Variants in GRK5 observed in about 807,000 individuals in gnomAD.
The protein encoded by GRK5 is g protein-coupled receptor kinase GRK5.
A neutral mutation model predicts 78.4 loss-of-function variants in GRK5; 40 were observed. The observed-to-expected ratio is 0.51, with a 90% CI of 0.40 to 0.66. The LOEUF (loss-of-function observed/expected upper bound fraction) is 0.66, where lower values mean the gene tolerates loss of function less well. Ranked by LOEUF, GRK5 falls within the 30% of genes least tolerant of loss-of-function variation. The pLI is 0.00. For synonymous variants in GRK5, 289 were observed against 296.8 expected (o/e 0.97, Z 0.27); for missense variants, 598 against 759.9 (o/e 0.79, Z 2.50).
rs554977767 is a variant in GRK5 at position 119,430,037 on chromosome 10, G to A, written c.534-338G>A. 2.6e-5 allele frequency among the ~76,000 whole-genome samples: 4 copies of A among 152,194 alleles called. No individual in the cohort carries two copies. Among genetic ancestry groups the A allele is most frequent in the East Asian group, 1.9e-4 (1 of 5,174 alleles). ...AAGGCACAGCTTCCTTCTGAGTTTC[G>A]CCGCATGATTTGCAGAGAGAGGAGA... On this transcript the variant is annotated intron_variant, in intron 6 of 15. Transcript: ENST00000392870. This position sits in a 1 kb window ranked among gnomAD's most constrained non-coding sequence, Gnocchi z 4.5.
chr10:119,401,570 C>T (rs1279183694), intron 4 of GRK5, among the ~76,000 whole-genome samples: 1 of 152,242 alleles, frequency 6.6e-6, no homozygotes, highest in African/African-American at 2.4e-5. Context: ...CTTAACCTCT[C>T]AGTGCCTCAG....
chr10:119,322,787 G>A (rs1020963861), intron 1 of GRK5, among the ~76,000 whole-genome samples: 2 of 152,144 alleles, frequency 1.3e-5, no homozygotes, highest in African/African-American at 4.8e-5. Flanking sequence ...ATATAATCCA[G>A]CAATTTCCCT....
intron 2 of GRK5, among the ~76,000 whole-genome samples, chr10:119,350,240 A>G (rs551819518): frequency 6.6e-6 from 1 of 152,356 alleles, no homozygotes; most frequent in African/African-American, 2.4e-5. Flanking sequence ...TCTGGTCCCA[A>G]GCAGCTACCG....
intron 2 of GRK5, among the ~76,000 whole-genome samples, chr10:119,339,101 A>C (rs929277806): frequency 6.6e-6 from 1 of 152,206 alleles, no homozygotes; most frequent in Non-Finnish European, 1.5e-5. Flanking sequence ...CATTAACCTG[A>C]AATGTGATGG....
chr10:119,274,340 A>AT (rs1185156131), intron 1 of GRK5, among the ~76,000 whole-genome samples: 1 of 152,202 alleles, frequency 6.6e-6, no homozygotes, highest in Admixed American at 6.5e-5. Context: ...CTAGCGACTG[A>AT]TAAGTGTTCA....
intron 2 of GRK5, among the ~76,000 whole-genome samples, chr10:119,337,471 A>C (rs1388894647): frequency 2.6e-5 from 4 of 152,112 alleles, no homozygotes; most frequent in Non-Finnish European, 5.9e-5. Flanking sequence ...GGGAGGGAGA[A>C]GCTGTTTCAG....
chr10:119,363,411 A>G (rs1202977603), intron 2 of GRK5, among the ~76,000 whole-genome samples: 1 of 152,192 alleles, frequency 6.6e-6, no homozygotes, highest in Non-Finnish European at 1.5e-5. Flanking sequence ...AGGACCAGGG[A>G]AGTAAATCTG....
At chr10:119,427,086 T>G (rs1852698548) in intron 6 of GRK5, among the ~76,000 whole-genome samples, 1 of 151,816 alleles carries the variant, frequency 6.6e-6, no homozygotes, top group South Asian at 2.1e-4. Context: ...ATCATCAGCA[T>G]CACCGCCATC....
At chr10:119,402,001 G>A (rs992254496) in intron 4 of GRK5, among the ~76,000 whole-genome samples, 2 of 152,180 alleles carry the variant, frequency 1.3e-5, no homozygotes, top group Non-Finnish European at 2.9e-5. Context: ...TGCTCCTGTG[G>A]CCCCACCATC....
chr10:119,303,416 T>C (rs1447976867), intron 1 of GRK5, among the ~76,000 whole-genome samples: 1 of 151,936 alleles, frequency 6.6e-6, no homozygotes, highest in Non-Finnish European at 1.5e-5. Flanking sequence ...GACCTAGTTG[T>C]CAGAAAAGGG....
chr10:119,239,475 A>G (rs1379818446), intron 1 of GRK5, among the ~76,000 whole-genome samples: 1 of 152,042 alleles, frequency 6.6e-6, no homozygotes, highest in Non-Finnish European at 1.5e-5. Flanking sequence ...ACCTCAGGTG[A>G]TCCGTCTGCC....
At chr10:119,286,518 C>G (rs1466799269) in intron 1 of GRK5, among the ~76,000 whole-genome samples, 2 of 152,264 alleles carry the variant, frequency 1.3e-5, no homozygotes, top group African/African-American at 4.8e-5. Context: ...CAGGGCCCCC[C>G]TCAGCCTTCC....
intron 1 of GRK5, among the ~76,000 whole-genome samples, chr10:119,259,540 C>A (rs1225293960): frequency 6.6e-6 from 1 of 152,152 alleles, no homozygotes; most frequent in South Asian, 2.1e-4. Flanking sequence ...TGGACAGAGC[C>A]CTCAATTTAA....
intron 4 of GRK5, among the ~76,000 whole-genome samples, chr10:119,405,600 A>AC (rs1266006313): frequency 5.3e-5 from 8 of 151,200 alleles, no homozygotes; most frequent in African/African-American, 2.0e-4. Flanking sequence ...AGCCGAACAA[A>AC]CCCACGCAGG....
chr10:119,309,826 T>C (rs555289257), intron 1 of GRK5, among the ~76,000 whole-genome samples: 1 of 152,340 alleles, frequency 6.6e-6, no homozygotes, highest in African/African-American at 2.4e-5. Flanking sequence ...AGCATCATCC[T>C]TGTGGACTGG....
intron 1 of GRK5, among the ~76,000 whole-genome samples, chr10:119,262,536 GT>G (rs1290570679): frequency 2.6e-5 from 4 of 151,952 alleles, no homozygotes; most frequent in Non-Finnish European, 5.9e-5. Context: ...TAGAGATGGG[GT>G]TTCACCATGT....
chr10:119,282,215 T>C (rs1461320901), intron 1 of GRK5, among the ~76,000 whole-genome samples: 4 of 152,154 alleles, frequency 2.6e-5, no homozygotes, highest in Non-Finnish European at 4.4e-5. Context: ...TAAATTACTT[T>C]AGTATCGTGA....
chr10:119,229,638 G>A (rs897070206), intron 1 of GRK5, among the ~76,000 whole-genome samples: 2 of 152,154 alleles, frequency 1.3e-5, no homozygotes, highest in Non-Finnish European at 2.9e-5. Context: ...CAGCCTAGTT[G>A]GGGGAAAGGC....
chr10:119,439,722 T>C lies in GRK5; in HGVS notation c.930-9T>C, dbSNP rs376575211. On this transcript the variant is annotated splice_polypyrimidine_tract_variant and intron_variant, in intron 9 of 15. Transcript: ENST00000392870. ...CCCACACTCTGATGCTTGTTGTTTT[T>C]CCTTTCAGAGATCTGAAACCTGAAA... The C allele has an allele frequency of 6.2e-7, 1 of 1,614,040 alleles. No homozygotes were observed. Among genetic ancestry groups the C allele is most frequent in the Non-Finnish European group, 8.5e-7 (1 of 1,179,928 alleles).
Sources: gnomAD v4.1 joint callset for allele counts (sites outside exome capture counted in the v4.1 genomes callset) on GRCh38, gnomAD v4.1.1 for gene constraint, Gnocchi (gnomAD v3.1) non-coding constraint, MANE v1.5 for transcripts, NCBI Gene and HGNC (gene_info 2026-07-23, HGNC 2026-07-21) for gene names.